Variants in ATOX1 observed in about 807,000 individuals in gnomAD.
ATOX1 encodes copper transport protein ATOX1.
Under a neutral mutation model 7.3 loss-of-function variants are expected in ATOX1, and 4 were observed. That is an observed-to-expected ratio of 0.55 (90% CI 0.27 to 1.25). ATOX1 has a LOEUF of 1.25. Among genes scored for constraint, ATOX1 ranks in the 50% most tolerant of loss-of-function variants. The pLI, the probability that ATOX1 is intolerant of heterozygous loss-of-function variation, is 0.12. For synonymous variants in ATOX1, 25 were observed against 28.7 expected (o/e 0.87, Z 0.41); for missense variants, 68 against 81.6 (o/e 0.83, Z 0.64).
intron 1 of ATOX1, among the ~76,000 whole-genome samples, chr5:151,754,377 G>A (rs544887961): frequency 6.6e-6 from 1 of 152,266 alleles, no homozygotes; most frequent in African/African-American, 2.4e-5. Context: ...GGGAGGCTGA[G>A]GCAGGTAGAT....
At chr5:151,752,539 T>C in intron 1 of ATOX1, 1 of 596,996 alleles carries the variant, frequency 1.7e-6, no homozygotes, top group Non-Finnish European at 3.0e-6. Context: ...TTCCTAATAC[T>C]TGGAACAGTG....
chr5:151,755,138 A>G (rs1581559276), intron 1 of ATOX1, among the ~76,000 whole-genome samples: 1 of 152,178 alleles, frequency 6.6e-6, no homozygotes, highest in South Asian at 2.1e-4. Flanking sequence ...TGTAAAAAAA[A>G]AAGTTTGCTG....
chr5:151,746,094 T>A, intron 3 of ATOX1, 185 bp downstream of exon 3: 1 of 476,432 alleles, frequency 2.1e-6, no homozygotes, highest in Non-Finnish European at 3.7e-6. Context: ...AAGAATTCCC[T>A]GAACTTGTGA....
chr5:151,752,770 C>T (rs931796911), intron 1 of ATOX1, among the ~76,000 whole-genome samples: 1 of 152,188 alleles, frequency 6.6e-6, no homozygotes, highest in Admixed American at 6.5e-5. Flanking sequence ...TATGTTACTT[C>T]TCTGTGCCTT....
chr5:151,748,886 CAT>C (rs1217028980), intron 2 of ATOX1, among the ~76,000 whole-genome samples: 1 of 150,992 alleles, frequency 6.6e-6, no homozygotes, highest in Non-Finnish European at 1.5e-5. Flanking sequence ...ACAAACAAAA[CAT>C]ATGGTTTCCC....
At chr5:151,758,498 C>A in intron 1 of ATOX1, 48 bp downstream of exon 1, 1 of 1,479,842 alleles carries the variant, frequency 6.8e-7, no homozygotes, top group Non-Finnish European at 9.0e-7. Flanking sequence ...AGCCGAGAAG[C>A]AACCCGGGAC....
intron 2 of ATOX1, 122 bp from the exon 3 acceptor site, chr5:151,746,571 G>T: frequency 7.4e-7 from 1 of 1,358,006 alleles, no homozygotes; most frequent in Non-Finnish European, 1.0e-6. Flanking sequence ...CTAGAGCAGG[G>T]ATCGGCAAAC....
At chr5:151,751,331 C>A (rs1761946115) in intron 2 of ATOX1, among the ~76,000 whole-genome samples, 1 of 151,178 alleles carries the variant, frequency 6.6e-6, no homozygotes, top group Non-Finnish European at 1.5e-5. Flanking sequence ...CTGGAGATGA[C>A]CAACATATGA....
At chr5:151,753,753 C>A (rs935432963) in intron 1 of ATOX1, 1 of 152,276 alleles carries the variant, frequency 6.6e-6, no homozygotes, top group East Asian at 1.9e-4. Flanking sequence ...GGATGTGGAG[C>A]GGGCCCTGCC....
At chr5:151,746,069 A>G (rs1172655258) in intron 3 of ATOX1, 1 of 405,590 alleles carries the variant, frequency 2.5e-6, no homozygotes, top group Non-Finnish European at 4.6e-6. Context: ...TGCTCTGTCC[A>G]CTCACAGGGT....
rs1047626448 is a variant in ATOX1 at position 151,758,583 on chromosome 5, G to A, written c.-32C>T. 39 of 1,417,108 alleles carry A rather than the reference G, an allele frequency of 2.8e-5. No individual in the cohort carries two copies. Among genetic ancestry groups the A allele is most frequent in the Middle Eastern group, 1.9e-4 (1 of 5,300 alleles). The allele number at this position is 1,417,108 out of a possible 1,614,324, so 87.8% of individuals were successfully genotyped here. ...GGCAGCGGCGGTGTGGCGGCGGTGT[G>A]GCGGCGGTGTCAGCAGCGCCTCTCT... is the stretch of plus-strand genomic sequence containing the variant. On this transcript the variant is annotated 5_prime_UTR_variant, in exon 1 of 4. Coordinates refer to ENST00000313115, the MANE Select transcript of ATOX1 (RefSeq NM_004045.4).
intron 2 of ATOX1, among the ~76,000 whole-genome samples, chr5:151,749,798 T>TC (rs1761924364): frequency 6.6e-6 from 1 of 151,878 alleles, no homozygotes; most frequent in African/African-American, 2.4e-5. Context: ...ACATGACAAG[T>TC]CAGCAGCTAG....
At chr5:151,753,217 C>T (rs770567217) in intron 1 of ATOX1, among the ~76,000 whole-genome samples, 2 of 152,226 alleles carry the variant, frequency 1.3e-5, no homozygotes, top group Non-Finnish European at 2.9e-5. Context: ...ATGAATGCAG[C>T]TCCAGCCAAC....
intron 3 of ATOX1, 128 bp downstream of exon 3, chr5:151,746,151 T>C: frequency 1.3e-6 from 1 of 758,356 alleles, no homozygotes; most frequent in Non-Finnish European, 2.0e-6. Context: ...CCAAAGAAGG[T>C]GGACAGTGGA....
At chr5:151,754,612 GA>G (rs899484744) in intron 1 of ATOX1, among the ~76,000 whole-genome samples, 1 of 149,838 alleles carries the variant, frequency 6.7e-6, no homozygotes, top group African/African-American at 2.4e-5. Context: ...AATTGTTTTG[GA>G]AAAAAAAATG....
At chr5:151,749,613 T>C (rs1761918887) in intron 2 of ATOX1, among the ~76,000 whole-genome samples, 2 of 143,970 alleles carry the variant, frequency 1.4e-5, no homozygotes, top group Admixed American at 1.5e-4. Flanking sequence ...GCAGAGATCA[T>C]GCCACTTCAC....
chr5:151,758,576 G>T lies in ATOX1; in HGVS notation c.-25C>A. On this transcript the variant is annotated 5_prime_UTR_variant, in exon 1 of 4. Transcript: ENST00000313115. ...TGACTGAGGCAGCGGCGGTGTGGCG[G>T]CGGTGTGGCGGCGGTGTCAGCAGCG... The T allele has an allele frequency of 7.1e-7, 1 of 1,415,426 alleles. No homozygotes were observed. The highest frequency in any genetic ancestry group is 9.3e-7 in the Non-Finnish European group (1 of 1,079,344). The allele number at this position is 1,415,426 out of a possible 1,614,324, so 87.7% of individuals were successfully genotyped here.
intron 2 of ATOX1, 155 bp from the exon 3 acceptor site, chr5:151,746,604 G>C: frequency 2.1e-6 from 2 of 956,860 alleles, no homozygotes; most frequent in Non-Finnish European, 3.1e-6. Context: ...AGGCCAGAAA[G>C]CAAATGTTTT....
chr5:151,752,555 A>G (rs982411959), intron 1 of ATOX1: 2 of 566,342 alleles, frequency 3.5e-6, no homozygotes, highest in South Asian at 4.6e-5. Context: ...CAGTGCCTGG[A>G]CAGAGTAGGT....
Sources: gnomAD v4.1 joint callset for allele counts (sites outside exome capture counted in the v4.1 genomes callset) on GRCh38, gnomAD v4.1.1 for gene constraint, MANE v1.5 for transcripts, NCBI Gene and HGNC (gene_info 2026-07-23, HGNC 2026-07-21) for gene names.